Variants in MYO16 observed in about 807,000 individuals in gnomAD.
MYO16 encodes myosin XVI.
A neutral mutation model predicts 205.3 loss-of-function variants in MYO16; 94 were observed. The ratio of observed to expected loss-of-function variants is 0.46; its 90% CI spans 0.39 to 0.54. The LOEUF (loss-of-function observed/expected upper bound fraction) is 0.54, where lower values mean the gene tolerates loss of function less well. MYO16 is among the 20% of genes least tolerant of loss of function. The pLI, the probability that MYO16 is intolerant of heterozygous loss-of-function variation, is 0.00. For missense variants in MYO16, 2,315 were observed against 2,387.5 expected (o/e 0.97, Z 0.63); for synonymous variants, 988 against 954.0 (o/e 1.04, Z -0.66).
intron 6 of MYO16, among the ~76,000 whole-genome samples, chr13:108,803,580 C>G (rs1004988292): frequency 2.6e-5 from 4 of 152,088 alleles, no homozygotes; most frequent in Non-Finnish European, 4.4e-5. Context: ...CCAAATGACC[C>G]TGTTGTCTGT....
At chr13:109,019,479 G>A (rs113233804) in intron 22 of MYO16, among the ~76,000 whole-genome samples, 2,609 of 152,060 alleles carry the variant, frequency 0.017, 78 homozygotes, top group African/African-American at 0.06. Context: ...ATTACAATAC[G>A]TTTTTTACTT....
chr13:108,869,964 T>C (rs1307166792), intron 12 of MYO16, among the ~76,000 whole-genome samples: 1 of 151,356 alleles, frequency 6.6e-6, no homozygotes, highest in African/African-American at 2.4e-5. Context: ...TGTCAGATAC[T>C]ATTAATAATT....
chr13:109,114,524 G>T (rs1594097716), intron 28 of MYO16, among the ~76,000 whole-genome samples: 1 of 152,162 alleles, frequency 6.6e-6, no homozygotes, highest in East Asian at 1.9e-4. Flanking sequence ...TGATCAAGAT[G>T]ATTTCTGAGA....
intron 16 of MYO16, among the ~76,000 whole-genome samples, chr13:108,927,752 A>G (rs563450281): frequency 4.6e-5 from 7 of 152,316 alleles, no homozygotes; most frequent in South Asian, 2.1e-4. Flanking sequence ...CAGGAATTCA[A>G]CTAACCCGAG....
intron 2 of MYO16, among the ~76,000 whole-genome samples, chr13:108,679,204 C>G (rs1359705843): frequency 6.6e-6 from 1 of 152,106 alleles, no homozygotes; most frequent in African/African-American, 2.4e-5. Context: ...CATGGATCAC[C>G]ATTTGCATCT....
At chr13:108,639,548 A>G (rs924146262) in intron 1 of MYO16, among the ~76,000 whole-genome samples, 1 of 152,146 alleles carries the variant, frequency 6.6e-6, no homozygotes, top group African/African-American at 2.4e-5. Flanking sequence ...CTAAACCTGA[A>G]TGTCTCAACC....
chr13:108,779,706 A>T (rs533487305), intron 4 of MYO16: 1 of 152,254 alleles, frequency 6.6e-6, no homozygotes, highest in Non-Finnish European at 1.5e-5. Context: ...TCGCCCAGGG[A>T]CGTGCGCCCC....
chr13:108,627,451 C>G (rs938299762), upstream of MYO16, among the ~76,000 whole-genome samples: 1 of 152,168 alleles, frequency 6.6e-6, no homozygotes, highest in Non-Finnish European at 1.5e-5. Context: ...CTTACAGTTT[C>G]TAGCACACAA....
At chr13:108,764,726 T>G (rs1221895994) in intron 4 of MYO16, among the ~76,000 whole-genome samples, 1 of 152,230 alleles carries the variant, frequency 6.6e-6, no homozygotes, top group Non-Finnish European at 1.5e-5. Context: ...GTAGACTTCC[T>G]TGTGAAATTG....
Position 109,140,574 on chromosome 13 carries a change from C to T in MYO16, c.4362C>T (p.Tyr1454=), listed in dbSNP as rs1430190086. Residue 1454 remains tyrosine, a synonymous_variant, in exon 32 of 35, where the codon TAC becomes TAT. Transcript: ENST00000457511. This position sits in a 1 kb window ranked among gnomAD's most constrained non-coding sequence, Gnocchi z 8.0. ...GCCCGGACCCCGGGGAGTCCGTGTA[C>T]GAGGAGATGAAGTGTTGCCTGCCCG... ...PDSPDPGESV[Y]EEMKCCLPDD... 5.2e-6 allele frequency: 8 copies of T among 1,535,110 alleles called. No homozygotes were observed. The South Asian group carries it at 8.3e-5, about 16-fold the overall frequency.
chr13:108,829,325 G>T (rs370463809), intron 9 of MYO16, among the ~76,000 whole-genome samples: 235 of 152,262 alleles, frequency 1.5e-3, no homozygotes, highest in African/African-American at 5.5e-3. Context: ...CTTAAGAAAT[G>T]ACCAGAAAAA....
chr13:108,688,867 T>A (rs1177229662), intron 2 of MYO16, among the ~76,000 whole-genome samples: 2 of 152,200 alleles, frequency 1.3e-5, no homozygotes, highest in Non-Finnish European at 2.9e-5. Context: ...CCTAATGGCA[T>A]GATGCAAGTC....
At chr13:109,191,328 C>T (rs1879905886) in intron 34 of MYO16, among the ~76,000 whole-genome samples, 1 of 152,012 alleles carries the variant, frequency 6.6e-6, no homozygotes, top group Non-Finnish European at 1.5e-5. Context: ...ACTTTGTCTA[C>T]AAAGCAAACT....
rs1879890927 is a variant in MYO16 at position 108,629,784 on chromosome 13, G to A, written c.-61G>A. The A allele has an allele frequency of 5.4e-6, 8 of 1,475,218 alleles. No homozygotes were observed. The highest frequency in any genetic ancestry group is 1.7e-4 in the Middle Eastern group (1 of 5,866). The allele number at this position is 1,475,218 out of a possible 1,614,324, so 91.4% of individuals were successfully genotyped here. On this transcript the variant is annotated 5_prime_UTR_variant, in exon 1 of 35. Coordinates refer to ENST00000457511, the MANE Select transcript of MYO16 (RefSeq NM_001198950.3). ...TTTAAGTAATGCATTTCCTGGGAACGACAGTTGTGACAGAAGAGAATGCTG... is the reference window on the plus strand; with the variant it reads ...TTTAAGTAATGCATTTCCTGGGAACAACAGTTGTGACAGAAGAGAATGCTG...
At chr13:108,975,260 T>C (rs1884210928) in intron 20 of MYO16, among the ~76,000 whole-genome samples, 1 of 152,088 alleles carries the variant, frequency 6.6e-6, no homozygotes, top group South Asian at 2.1e-4. Context: ...TTTTGCTGGA[T>C]TAAGCATAGG....
At chr13:108,702,178 A>G (rs1408941809) in intron 2 of MYO16, among the ~76,000 whole-genome samples, 1 of 152,166 alleles carries the variant, frequency 6.6e-6, no homozygotes, top group Non-Finnish European at 1.5e-5. Flanking sequence ...TTGGTGGAAA[A>G]TATTAATCTA....
At chr13:108,762,637 A>G (rs902329153) in intron 4 of MYO16, among the ~76,000 whole-genome samples, 2 of 152,212 alleles carry the variant, frequency 1.3e-5, no homozygotes, top group African/African-American at 4.8e-5. Flanking sequence ...TTCGACTTAC[A>G]GTTCTTATAC....
chr13:108,771,200 G>A (rs1885952019), intron 4 of MYO16, among the ~76,000 whole-genome samples: 1 of 152,112 alleles, frequency 6.6e-6, no homozygotes, highest in Non-Finnish European at 1.5e-5. Flanking sequence ...TACACGGGGG[G>A]AGAGGGTAGT....
intron 1 of MYO16, among the ~76,000 whole-genome samples, chr13:108,621,158 G>T (rs542734532): frequency 6.6e-6 from 1 of 152,230 alleles, no homozygotes; most frequent in African/African-American, 2.4e-5. Flanking sequence ...CAAGCTTCGG[G>T]TGCCTGCTCC....
Sources: gnomAD v4.1 joint callset for allele counts (sites outside exome capture counted in the v4.1 genomes callset) on GRCh38, gnomAD v4.1.1 for gene constraint, Gnocchi (gnomAD v3.1) non-coding constraint, MANE v1.5 for transcripts, NCBI Gene and HGNC (gene_info 2026-07-23, HGNC 2026-07-21) for gene names.